ABCA1: variants seen among roughly 807,000 people sequenced by gnomAD.
ABCA1 encodes the protein phospholipid-transporting ATPase ABCA1.
ABCA1 carries 133 observed loss-of-function variants against 262.5 expected under a neutral mutation model. That is an observed-to-expected ratio of 0.51 (90% CI 0.44 to 0.59). The LOEUF (loss-of-function observed/expected upper bound fraction) is 0.59. Ranked by LOEUF, ABCA1 falls within the 20% of genes least tolerant of loss-of-function variation. ABCA1 has a pLI of 0.00. For synonymous variants in ABCA1, 1,022 were observed against 1,043.5 expected (o/e 0.98, Z 0.40); for missense variants, 2,452 against 2,777.5 (o/e 0.88, Z 2.63).
rs1831845004 is a variant in ABCA1, at chr9:104,817,121, G to A, written c.3535+211C>T. On this transcript the variant is annotated intron_variant, in intron 24 of 49. Transcript: ENST00000374736. This position sits in a 1 kb window ranked among gnomAD's most constrained non-coding sequence, Gnocchi z 4.7. ...TCTCAGCTCTCTGGGACACTGCCCT[G>A]CTAGCTCCCAAACCGAGCCCCAGGC... 6 of 766,104 alleles carry A rather than the reference G, an allele frequency of 7.8e-6. No individual in the cohort carries two copies. In the South Asian group the frequency reaches 3.0e-4, roughly 38 times the overall value. The allele number at this position is 766,104 out of a possible 1,614,324, so 47.5% of individuals were successfully genotyped here.
At chr9:104,877,384 C>T (rs886241850) in intron 5 of ABCA1, among the ~76,000 whole-genome samples, 3 of 152,242 alleles carry the variant, frequency 2.0e-5, no homozygotes, top group Admixed American at 6.5e-5. Context: ...TAGGATGGAA[C>T]CATGAGCAAG....
At chr9:104,807,523 T>G (rs1257572086) in intron 30 of ABCA1, among the ~76,000 whole-genome samples, 2 of 152,300 alleles carry the variant, frequency 1.3e-5, no homozygotes, top group East Asian at 3.9e-4. Context: ...TTATTAAATA[T>G]TAAATATAAT....
chr9:104,826,265 C>T (rs545392307), intron 16 of ABCA1, among the ~76,000 whole-genome samples: 1 of 152,316 alleles, frequency 6.6e-6, no homozygotes, highest in African/African-American at 2.4e-5. Flanking sequence ...ATCAGAGGTG[C>T]CTGTTTGGGG....
intron 28 of ABCA1, 81 bp from the exon 29 acceptor site, chr9:104,811,005 C>T (rs914779329): frequency 2.9e-5 from 47 of 1,600,158 alleles, no homozygotes; most frequent in South Asian, 2.4e-4. Flanking sequence ...CAAATCCCTA[C>T]GAGTCCAGCC....
intron 20 of ABCA1, among the ~76,000 whole-genome samples, chr9:104,820,489 A>T: frequency 6.6e-6 from 1 of 152,124 alleles, no homozygotes; most frequent in East Asian, 1.9e-4. Context: ...CCTGCACATG[A>T]GCCCCATGTG....
chr9:104,874,530 C>A lies in ABCA1; in HGVS notation c.421+8509G>T, dbSNP rs1177591522. Reference sequence around the variant, plus strand: ...GCAGTGAACCAAGATCGTGCCGCTCCACTCACTCCAGCCTGGGCAACAGAG... The same window carrying A: ...GCAGTGAACCAAGATCGTGCCGCTCAACTCACTCCAGCCTGGGCAACAGAG... On this transcript the variant is annotated intron_variant, in intron 5 of 49. Transcript: ENST00000374736. 2.0e-5 allele frequency among the ~76,000 whole-genome samples: 3 copies of A among 152,102 alleles called. No individual in the cohort carries two copies. In the East Asian group the frequency reaches 5.8e-4, roughly 29 times the overall value.
rs752356763 is a variant in ABCA1 at position 104,786,353 on chromosome 9, T to C, written c.6346A>G (p.Ile2116Val). The change falls in exon 48 of 50, where the codon ATC (isoleucine) becomes GTC (valine). Residue 2116 changes from isoleucine to valine, a missense_variant. By Grantham distance (29) the Ile-to-Val change is conservative. Around this residue, in one of 4 missense-constraint regions of ABCA1, gnomAD observed 752 missense variants for 944.5 expected, o/e 0.80. Transcript: ENST00000374736. ...ECEALCTRMAIMVNGRFRCLG... is the reference protein window; with the variant it reads ...ECEALCTRMAVMVNGRFRCLG... ...CACCTGAACCTTCCATTGACCATGATTGCCATCCTAGTGCAAAGAGCTTCA... is the reference window on the plus strand; with the variant it reads ...CACCTGAACCTTCCATTGACCATGACTGCCATCCTAGTGCAAAGAGCTTCA... 23 of 1,614,046 alleles carry C rather than the reference T, an allele frequency of 1.4e-5. No individual in the cohort carries two copies. The highest frequency in any genetic ancestry group is 1.7e-5 in the Non-Finnish European group (20 of 1,180,018).
intron 5 of ABCA1, among the ~76,000 whole-genome samples, chr9:104,864,803 A>G (rs779012929): frequency 6.6e-6 from 1 of 151,852 alleles, no homozygotes; most frequent in Non-Finnish European, 1.5e-5. Context: ...TCATCCTGCA[A>G]CACTCTCCAG....
chr9:104,887,203 G>A (rs1361459652), intron 3 of ABCA1, among the ~76,000 whole-genome samples: 2 of 152,204 alleles, frequency 1.3e-5, no homozygotes, highest in Non-Finnish European at 2.9e-5. Flanking sequence ...ACTGGAACCT[G>A]GGAGGCAGAC....
At chr9:104,892,385 TTTTA>T (rs1839827264) in intron 2 of ABCA1, among the ~76,000 whole-genome samples, 1 of 151,044 alleles carries the variant, frequency 6.6e-6, no homozygotes, top group Admixed American at 6.6e-5. Context: ...GATATACAAT[TTTTA>T]TTTGTCAATT....
intron 3 of ABCA1, among the ~76,000 whole-genome samples, chr9:104,887,439 G>C (rs1051716470): frequency 6.7e-6 from 1 of 148,468 alleles, no homozygotes; most frequent in Admixed American, 6.7e-5. Context: ...GTGAAGGGCA[G>C]AGGCAGGATA....
intron 18 of ABCA1, 63 bp downstream of exon 18, chr9:104,824,402 C>A: frequency 6.2e-7 from 1 of 1,609,856 alleles, no homozygotes. Flanking sequence ...TCGCTTGCCC[C>A]CAACAGTTAG....
chr9:104,808,890 T>C lies in ABCA1; in HGVS notation c.4274+576A>G, dbSNP rs566747468. Among the ~76,000 whole-genome samples the C allele has an allele frequency of 1.4e-4, 21 of 152,224 alleles. No individual in the cohort carries two copies. The East Asian group carries it at 4.1e-3, about 30-fold the overall frequency. ...ACCTCTCCACCATCTTCACTCACAG[T>C]GATCTGGTGACCTCCCTTCCCCTAC... is the stretch of plus-strand genomic sequence containing the variant. On this transcript the variant is annotated intron_variant, in intron 30 of 49. Transcript: ENST00000374736.
rs372142485 is a variant in ABCA1 at position 104,797,497 on chromosome 9, A to G, written c.5121+924T>C. Among the ~76,000 whole-genome samples the G allele has an allele frequency of 1.1e-4, 16 of 152,346 alleles. No individual in the cohort carries two copies. The East Asian group carries it at 1.9e-3, about 18-fold the overall frequency. On this transcript the variant is annotated intron_variant, in intron 37 of 49. Coordinates refer to ENST00000374736, the MANE Select transcript of ABCA1 (RefSeq NM_005502.4). ...GCAGTAATAGAAGTGTGAGCTAAAG[A>G]TCAACTCCCTCTGGACCCATAACCA...
rs144006067 is a variant in ABCA1 at position 104,886,871 on chromosome 9, G to C, written c.160+2231C>G. 3.9e-5 allele frequency among the ~76,000 whole-genome samples: 6 copies of C among 152,338 alleles called. No individual in the cohort carries two copies. The East Asian group carries it at 1.2e-3, about 29-fold the overall frequency. On this transcript the variant is annotated intron_variant, in intron 3 of 49. Coordinates refer to ENST00000374736, the MANE Select transcript of ABCA1 (RefSeq NM_005502.4). ...AAGATTTACAGAGAATTTCAAACCAGTCCTTTGTTCCTAGGGACAAGACAC... is the reference window on the plus strand; with the variant it reads ...AAGATTTACAGAGAATTTCAAACCACTCCTTTGTTCCTAGGGACAAGACAC...
At chr9:104,856,503 G>A (rs996360582) in intron 7 of ABCA1, among the ~76,000 whole-genome samples, 2 of 152,174 alleles carry the variant, frequency 1.3e-5, no homozygotes, top group African/African-American at 4.8e-5. Flanking sequence ...CGGTTCTGAA[G>A]GTGCATTTCC....
chr9:104,875,763 T>C (rs900790399), intron 5 of ABCA1, among the ~76,000 whole-genome samples: 9 of 152,132 alleles, frequency 5.9e-5, no homozygotes, highest in Non-Finnish European at 1.0e-4. Context: ...CTCCAGGCCA[T>C]GGCAGAGAAC....
intron 18 of ABCA1, 32 bp from the exon 19 acceptor site, chr9:104,822,699 A>C: frequency 6.2e-7 from 1 of 1,612,308 alleles, no homozygotes; most frequent in Non-Finnish European, 8.5e-7. Context: ...AAATGAACCC[A>C]CAGAAAGCAC....
chr9:104,834,105 G>A lies in ABCA1; in HGVS notation c.1312-1334C>T, dbSNP rs185522508. 2.3e-3 allele frequency among the ~76,000 whole-genome samples: 352 copies of A among 149,822 alleles called. 20 individuals are homozygous for A. The highest frequency in any genetic ancestry group is 8.2e-3 in the African/African-American group (338 of 41,028). ...ACATTATAAGCTTTTCCCCCCTTGC[G>A]CCTTTGTATTTATTATTTCAATGGC... On this transcript the variant is annotated intron_variant, in intron 11 of 49. Transcript: ENST00000374736.
Sources: gnomAD v4.1 joint callset for allele counts (sites outside exome capture counted in the v4.1 genomes callset) on GRCh38, gnomAD v4.1.1 for gene constraint, gnomAD v4.1.1 regional missense constraint, Gnocchi (gnomAD v3.1) non-coding constraint, MANE v1.5 for transcripts, NCBI Gene and HGNC (gene_info 2026-07-23, HGNC 2026-07-21) for gene names.